The following RALGPS2 variants were observed in gnomAD, a reference collection of about 807,000 sequenced individuals.
RALGPS2 encodes the protein Ral GEF with PH domain and SH3 binding motif 2, also known as ras-specific guanine nucleotide-releasing factor RalGPS2.
In RALGPS2, 43 loss-of-function variants were observed where a neutral mutation model predicts 86.8. The ratio of observed to expected loss-of-function variants is 0.50; its 90% confidence interval spans 0.39 to 0.64. The LOEUF is 0.64. Among genes scored for constraint, RALGPS2 ranks in the 30% least tolerant of loss-of-function variants. RALGPS2 has a pLI of 0.00. For missense variants in RALGPS2, 536 were observed against 694.6 expected (o/e 0.77, Z 2.57); for synonymous variants, 243 against 231.3 (o/e 1.05, Z -0.46).
intron 8 of RALGPS2, among the ~76,000 whole-genome samples, chr1:178,875,807 G>T (rs575843950): frequency 6.6e-6 from 1 of 152,178 alleles, no homozygotes; most frequent in South Asian, 2.1e-4. Context: ...GCCAGTAGGG[G>T]TGAATGATAG....
intron 7 of RALGPS2, among the ~76,000 whole-genome samples, chr1:178,830,690 G>A (rs1655972927): frequency 6.6e-6 from 1 of 152,116 alleles, no homozygotes; most frequent in Non-Finnish European, 1.5e-5. Context: ...CTTTGGATAA[G>A]TAAGGATTTT....
chr1:178,877,975 C>G (rs144527316), intron 9 of RALGPS2, among the ~76,000 whole-genome samples: 1 of 152,092 alleles, frequency 6.6e-6, no homozygotes, highest in Non-Finnish European at 1.5e-5. Context: ...AGCTATTTGG[C>G]CCTTTATAGT....
At chr1:178,852,623 A>C (rs1657248304) in intron 8 of RALGPS2, 3 of 1,513,922 alleles carry the variant, frequency 2.0e-6, no homozygotes, top group Non-Finnish European at 2.7e-6. Context: ...ATATTAGTAG[A>C]TTCTATTTAA....
Position 178,833,937 on chromosome 1 carries a change from C to T in RALGPS2, c.607+387C>T, listed in dbSNP as rs114734334. ...ATTTTAGTGTGAATTCTGAAGTAGT[C>T]TCAGTGCATATTGGTATTGTTGTTT... On this transcript the variant is annotated intron_variant, in intron 8 of 19. Coordinates refer to ENST00000367635, the MANE Select transcript of RALGPS2 (RefSeq NM_152663.5). Among the ~76,000 whole-genome samples the T allele has an allele frequency of 2.5e-3, 385 of 152,198 alleles. 3 individuals are homozygous for T. The highest frequency in any genetic ancestry group is 4.6e-3 in the Non-Finnish European group (312 of 67,986).
chr1:178,804,124 T>C (rs1033110469), intron 4 of RALGPS2, among the ~76,000 whole-genome samples: 8 of 151,886 alleles, frequency 5.3e-5, no homozygotes, highest in African/African-American at 1.7e-4. Flanking sequence ...GTTTTGCATG[T>C]ATCATGTTTA....
intron 1 of RALGPS2, among the ~76,000 whole-genome samples, chr1:178,767,278 C>T (rs1012297745): frequency 1.3e-5 from 2 of 151,244 alleles, no homozygotes; most frequent in Middle Eastern, 3.2e-3. Context: ...GACAGTCTGG[C>T]CTTTTGAGTT....
intron 1 of RALGPS2, among the ~76,000 whole-genome samples, chr1:178,766,342 C>T (rs1012400103): frequency 2.6e-5 from 4 of 151,968 alleles, no homozygotes; most frequent in Admixed American, 2.0e-4. Flanking sequence ...ACCTCAGCCT[C>T]GCGAGTAGCT....
At chr1:178,755,813 G>T (rs1316547282) in intron 1 of RALGPS2, among the ~76,000 whole-genome samples, 1 of 152,132 alleles carries the variant, frequency 6.6e-6, no homozygotes, top group Non-Finnish European at 1.5e-5. Context: ...CCAACAGTGT[G>T]TAAGCCTTCC....
At chr1:178,865,452 C>T (rs759453054) in intron 8 of RALGPS2, 1 of 1,614,008 alleles carries the variant, frequency 6.2e-7, no homozygotes, top group African/African-American at 1.3e-5. Flanking sequence ...ATGTTTCCAT[C>T]TACATCCACC....
chr1:178,919,364 G>A lies in RALGPS2; in HGVS notation c.*3005G>A, dbSNP rs909390699. 1 of 151,910 alleles carries A rather than the reference G, an allele frequency of 6.6e-6. No homozygotes were observed. The highest frequency in any genetic ancestry group is 2.4e-5 in the African/African-American group (1 of 41,374). The allele number at this position is 151,910 out of a possible 1,614,324, so 9.4% of individuals were successfully genotyped here. A position where few individuals can be genotyped will look rare whatever the true frequency, so the allele number is the denominator to read the frequency against. ...CCATGTAACTATTGCACTACCTTCT[G>A]TGTGGACTGTGTTGGTATTGGTTCT... On this transcript the variant is annotated 3_prime_UTR_variant, in exon 20 of 20. Coordinates refer to ENST00000367635, the MANE Select transcript of RALGPS2 (RefSeq NM_152663.5).
chr1:178,749,490 C>T (rs571580724), intron 1 of RALGPS2, among the ~76,000 whole-genome samples: 2 of 152,118 alleles, frequency 1.3e-5, no homozygotes, highest in Non-Finnish European at 2.9e-5. Context: ...TCTTCTTTTT[C>T]GTTTTAAAAG....
chr1:178,877,529 T>C lies in RALGPS2; in HGVS notation c.639T>C (p.Asp213=). The change falls in exon 9 of 20, where the codon GAT becomes GAC. Residue 213 remains aspartate (D), a synonymous_variant. Transcript: ENST00000367635. ...GIYLSDLTYI[D]SAYPSTGSIL... ...ATTTGTCAGATTTAACATACATCGA[T>C]TCAGCATACCCATCAACTGGCAGCA... is the stretch of plus-strand genomic sequence containing the variant. 6.2e-7 allele frequency: 1 copy of C among 1,613,550 alleles called. No homozygotes were observed. The highest frequency in any genetic ancestry group is 1.1e-5 in the South Asian group (1 of 91,048).
At chr1:178,850,818 A>G (rs1402491991) in intron 8 of RALGPS2, 3 of 197,946 alleles carry the variant, frequency 1.5e-5, no homozygotes, top group African/African-American at 6.9e-5. Flanking sequence ...TGAACATGTT[A>G]TTTATGATTT....
intron 1 of RALGPS2, chr1:178,746,709 TTC>T: frequency 1.3e-6 from 1 of 776,496 alleles, no homozygotes; most frequent in East Asian, 2.4e-5. Flanking sequence ...CTTGGCCTTT[TTC>T]TTTTTCGTTC....
At position 178,784,431 on chromosome 1, in the gene RALGPS2, C is replaced by A. The variant is rs1653549625; in HGVS notation, c.71C>A (p.Ser24Tyr). 1 of 1,600,552 alleles carries A rather than the reference C, an allele frequency of 6.2e-7. No homozygotes were observed. Among genetic ancestry groups the A allele is most frequent in the Non-Finnish European group, 8.5e-7 (1 of 1,171,534 alleles). ...AATASEKSSS[S>Y]ESLSDKGSEL... ...TCACTTTAACAGAAAAGTAGCAGCT[C>A]TGAATCCTTAAGTGACAAAGGCTCT... The change falls in exon 3 of 20, where the codon TCT becomes TAT. Residue 24 changes from serine to tyrosine, a missense_variant. Ser to Tyr is a moderately radical substitution (Grantham distance 144). Transcript: ENST00000367635.
chr1:178,803,592 A>G (rs2102179010), intron 4 of RALGPS2, among the ~76,000 whole-genome samples: 1 of 151,872 alleles, frequency 6.6e-6, no homozygotes, highest in South Asian at 2.1e-4. Context: ...TTACTACTAA[A>G]TGTTTTCTTT....
chr1:178,782,568 G>A (rs1462386551), intron 2 of RALGPS2, among the ~76,000 whole-genome samples: 1 of 152,026 alleles, frequency 6.6e-6, no homozygotes, highest in South Asian at 2.1e-4. Flanking sequence ...AGAAGCATTT[G>A]TGAAGGTCAT....
intron 8 of RALGPS2, among the ~76,000 whole-genome samples, chr1:178,837,583 C>T: frequency 6.6e-6 from 1 of 152,200 alleles, no homozygotes; most frequent in East Asian, 1.9e-4. Context: ...AGGAACAACT[C>T]CAGTCTACAG....
chr1:178,911,472 A>G (rs1660620934), intron 19 of RALGPS2, among the ~76,000 whole-genome samples: 1 of 152,164 alleles, frequency 6.6e-6, no homozygotes. Flanking sequence ...TTCTTTACCC[A>G]AAAGTCATTT....
Sources: gnomAD v4.1 joint callset for allele counts (sites outside exome capture counted in the v4.1 genomes callset) on GRCh38, gnomAD v4.1.1 for gene constraint, MANE v1.5 for transcripts, NCBI Gene and HGNC (gene_info 2026-07-23, HGNC 2026-07-21) for gene names.